ADAMTSL1: variants seen among roughly 807,000 people sequenced by gnomAD.
The protein encoded by ADAMTSL1 is ADAMTS-like protein 1.
Under a neutral mutation model 201.8 loss-of-function variants are expected in ADAMTSL1, and 126 were observed. That is an observed-to-expected ratio of 0.62 (90% CI 0.54 to 0.72). The LOEUF (loss-of-function observed/expected upper bound fraction) is 0.72. Among genes scored for constraint, ADAMTSL1 ranks in the 30% least tolerant of loss-of-function variants. The probability of loss-of-function intolerance (pLI) is 0.00; values close to 1 mark genes in which losing one functional copy is unlikely to be tolerated. For missense variants in ADAMTSL1, 2,679 were observed against 2,277.8 expected, an observed-to-expected ratio of 1.18 and a Z score of -3.59; for synonymous variants, 1,121 against 903.4, an observed-to-expected ratio of 1.24 and a Z score of -4.32.
chr9:18,030,140 A>C (rs1820882413), intron 1 of ADAMTSL1, among the ~76,000 whole-genome samples: 1 of 152,356 alleles, frequency 6.6e-6, no homozygotes, highest in South Asian at 2.1e-4. Context: ...AAGACTTGGA[A>C]CCAACCCAAA....
intron 5 of ADAMTSL1, chr9:18,622,663 C>A: frequency 1.9e-6 from 1 of 539,832 alleles, no homozygotes; most frequent in Non-Finnish European, 3.3e-6. Flanking sequence ...AACATGAGGA[C>A]AGACTGTATC....
intron 21 of ADAMTSL1, among the ~76,000 whole-genome samples, chr9:18,822,657 C>G (rs1563830538): frequency 6.6e-6 from 1 of 152,154 alleles, no homozygotes; most frequent in Non-Finnish European, 1.5e-5. Flanking sequence ...TGACCTTAGG[C>G]AGATTTCTTA....
At chr9:18,408,954 T>C (rs1247275551) in intron 2 of ADAMTSL1, among the ~76,000 whole-genome samples, 4 of 152,226 alleles carry the variant, frequency 2.6e-5, no homozygotes, top group Non-Finnish European at 4.4e-5. Context: ...ACAATTTTCA[T>C]AGGAGTTTTA....
At chr9:17,932,660 A>G (rs1826842941) in intron 1 of ADAMTSL1, among the ~76,000 whole-genome samples, 1 of 152,146 alleles carries the variant, frequency 6.6e-6, no homozygotes, top group African/African-American at 2.4e-5. Context: ...TCATTTCTAA[A>G]TCTTTTCTGT....
At chr9:17,967,885 T>A (rs1818043026) in intron 1 of ADAMTSL1, among the ~76,000 whole-genome samples, 1 of 152,124 alleles carries the variant, frequency 6.6e-6, no homozygotes, top group South Asian at 2.1e-4. Context: ...ACTGGGATCA[T>A]GAAAAGTCTA....
At chr9:17,975,096 C>T (rs2811814) in intron 1 of ADAMTSL1, among the ~76,000 whole-genome samples, 126,263 of 151,996 alleles carry the variant, frequency 0.83, 52,723 homozygotes, top group East Asian at 0.94. Flanking sequence ...GTCTTTGATT[C>T]GTATTTCACA....
chr9:18,041,615 A>C (rs1448731942), intron 1 of ADAMTSL1, among the ~76,000 whole-genome samples: 1 of 152,166 alleles, frequency 6.6e-6, no homozygotes, highest in Non-Finnish European at 1.5e-5. Context: ...TTACTAAATT[A>C]AGAACTCTAT....
chr9:18,870,999 C>T (rs920823788), intron 23 of ADAMTSL1, among the ~76,000 whole-genome samples: 1 of 152,084 alleles, frequency 6.6e-6, no homozygotes, highest in Non-Finnish European at 1.5e-5. Flanking sequence ...TTCTTAATAA[C>T]CCAGTTGTTA....
chr9:18,898,955 A>G (rs142213194), intron 26 of ADAMTSL1, among the ~76,000 whole-genome samples: 2,614 of 152,304 alleles, frequency 0.017, 74 homozygotes, highest in South Asian at 0.085. Context: ...CGCCAGGGCA[A>G]TCAGGCAAGA....
chr9:17,937,678 T>C (rs1827073841), intron 1 of ADAMTSL1, among the ~76,000 whole-genome samples: 1 of 50,986 alleles, frequency 2.0e-5, no homozygotes, highest in African/African-American at 6.1e-5. Flanking sequence ...TAGTTGAGAA[T>C]TGGCCTACTG....
chr9:18,826,731 G>A (rs1442172590), intron 22 of ADAMTSL1, among the ~76,000 whole-genome samples: 1 of 152,126 alleles, frequency 6.6e-6, no homozygotes, highest in African/African-American at 2.4e-5. Context: ...GTCTCTATGC[G>A]GAGACTCCAG....
chr9:18,678,361 C>A (rs765043285), intron 10 of ADAMTSL1, among the ~76,000 whole-genome samples: 5 of 152,090 alleles, frequency 3.3e-5, no homozygotes, highest in Non-Finnish European at 5.9e-5. Flanking sequence ...GCTTTTGTTA[C>A]GCTTTCTTTA....
intron 2 of ADAMTSL1, among the ~76,000 whole-genome samples, chr9:18,521,918 G>A (rs1375954045): frequency 2.0e-5 from 3 of 152,116 alleles, no homozygotes; most frequent in East Asian, 1.9e-4. Flanking sequence ...CCCATGTGAG[G>A]TAAGACCACA....
At chr9:18,385,079 G>A (rs1837736263) in intron 2 of ADAMTSL1, among the ~76,000 whole-genome samples, 5 of 152,150 alleles carry the variant, frequency 3.3e-5, no homozygotes, top group South Asian at 2.1e-4. Flanking sequence ...CCCTCCCAGA[G>A]CACACAGTCA....
rs114070023 is a variant in ADAMTSL1, at chr9:18,186,077, G to A, written c.207+22096G>A. Among the ~76,000 whole-genome samples, 353 of 152,286 alleles carry A rather than the reference G, an allele frequency of 2.3e-3. 1 individual carries two copies. Among genetic ancestry groups the A allele is most frequent in the African/African-American group, 8.0e-3 (332 of 41,556 alleles). On this transcript the variant is annotated intron_variant, in intron 2 of 29. Coordinates refer to the ADAMTSL1 transcript ENST00000680146. ...TTAAGTTATGATAAAAGCTTGAGCT[G>A]AGAATTCAAGTACCACGTATTTCTG...
chr9:18,293,547 G>T (rs1348320229), intron 2 of ADAMTSL1, among the ~76,000 whole-genome samples: 2 of 152,172 alleles, frequency 1.3e-5, no homozygotes, highest in Non-Finnish European at 2.9e-5. Context: ...AATACCGAAA[G>T]GTATGCATAA....
intron 2 of ADAMTSL1, among the ~76,000 whole-genome samples, chr9:18,208,385 T>C (rs1829739982): frequency 6.6e-6 from 1 of 152,114 alleles, no homozygotes; most frequent in African/African-American, 2.4e-5. Context: ...GTCTGGGCAT[T>C]GATGCTGGGA....
At chr9:18,573,156 A>T (rs1261277719) in intron 3 of ADAMTSL1, 2 of 152,636 alleles carry the variant, frequency 1.3e-5, no homozygotes, top group Non-Finnish European at 2.9e-5. Flanking sequence ...TTACAATTCA[A>T]ATTGAGAGAA....
chr9:18,243,848 C>T (rs1333953166), intron 2 of ADAMTSL1, among the ~76,000 whole-genome samples: 8 of 151,990 alleles, frequency 5.3e-5, no homozygotes, highest in East Asian at 1.9e-4. Context: ...CCAGGGAAGA[C>T]GAGACTCTTC....
Sources: gnomAD v4.1 joint callset for allele counts (sites outside exome capture counted in the v4.1 genomes callset) on GRCh38, gnomAD v4.1.1 for gene constraint, MANE v1.5 for transcripts, NCBI Gene and HGNC (gene_info 2026-07-23, HGNC 2026-07-21) for gene names.